EPS8: variants seen among roughly 807,000 people sequenced by gnomAD.
EPS8 encodes the protein epidermal growth factor receptor kinase substrate 8.
A neutral mutation model predicts 103.8 loss-of-function variants in EPS8; 42 were observed. The observed-to-expected ratio is 0.40, with a 90% CI of 0.32 to 0.52. EPS8 has a LOEUF of 0.52. EPS8 is among the 20% of genes least tolerant of loss of function. EPS8 has a pLI of 0.40. For synonymous variants in EPS8, 344 were observed against 344.6 expected (o/e 1.00, Z 0.02); for missense variants, 969 against 1,005.1 (o/e 0.96, Z 0.49).
rs74063357 is a variant in EPS8, at chr12:15,704,923, C to A, written c.-21-21951G>T. On this transcript the variant is annotated intron_variant, in intron 1 of 20. Transcript: ENST00000281172. This position sits in a 1 kb window ranked among gnomAD's most constrained non-coding sequence, Gnocchi z 4.6. ...ATGCGTGCGCATGCACACACACACA[C>A]AAAAAACTGTCCTTAAAATCCTGTG... 5.1e-3 allele frequency among the ~76,000 whole-genome samples: 774 copies of A among 152,134 alleles called. 4 individuals carry two copies. The highest frequency in any genetic ancestry group is 0.016 in the African/African-American group (676 of 41,498).
intron 13 of EPS8, among the ~76,000 whole-genome samples, chr12:15,653,817 A>ATG (rs1321475093): frequency 6.6e-6 from 1 of 152,180 alleles, no homozygotes; most frequent in African/African-American, 2.4e-5. Context: ...GCGCATGTGT[A>ATG]TGTGTGTGTG....
rs933447376 is a variant in EPS8 at position 15,693,187 on chromosome 12, A to T, written c.-21-10215T>A. On this transcript the variant is annotated intron_variant, in intron 1 of 20. Coordinates refer to ENST00000281172, the MANE Select transcript of EPS8 (RefSeq NM_004447.6). This position sits in a 1 kb window ranked among gnomAD's most constrained non-coding sequence, Gnocchi z 5.6. ...TGTCTATCGGTCTTTTGCATAGATCAGTCAGGTTCTCCAAGGAAGTATCTT... is the reference window on the plus strand; with the variant it reads ...TGTCTATCGGTCTTTTGCATAGATCTGTCAGGTTCTCCAAGGAAGTATCTT... Among the ~76,000 whole-genome samples, 17 of 152,214 alleles carry T rather than the reference A, an allele frequency of 1.1e-4. No individual in the cohort carries two copies. Among genetic ancestry groups the T allele is most frequent in the Non-Finnish European group, 2.4e-4 (16 of 68,050 alleles).
chr12:15,707,176 T>C (rs1946398527), intron 1 of EPS8, among the ~76,000 whole-genome samples: 1 of 152,206 alleles, frequency 6.6e-6, no homozygotes, highest in Non-Finnish European at 1.5e-5. Context: ...CAAGTCTAAC[T>C]TTTTTCTTCA....
chr12:15,665,989 G>T, intron 7 of EPS8, 97 bp from the exon 8 acceptor site: 1 of 1,262,332 alleles, frequency 7.9e-7, no homozygotes, highest in Non-Finnish European at 1.1e-6. Flanking sequence ...AATTCAAAAA[G>T]AACTATGTCA....
At position 15,731,446 on chromosome 12, in the gene EPS8, T is replaced by C. The variant is rs988878370; in HGVS notation, c.-21-48474A>G. On this transcript the variant is annotated intron_variant, in intron 1 of 20. Coordinates refer to ENST00000281172, the MANE Select transcript of EPS8 (RefSeq NM_004447.6). This position sits in a 1 kb window ranked among gnomAD's most constrained non-coding sequence, Gnocchi z 5.1. ...CCCAAAAGCTGGGATTACAGGTGCCTGCCACCACGCCTGGCTAATTTTTGT... is the reference window on the plus strand; with the variant it reads ...CCCAAAAGCTGGGATTACAGGTGCCCGCCACCACGCCTGGCTAATTTTTGT... 2.0e-5 allele frequency among the ~76,000 whole-genome samples: 3 copies of C among 152,086 alleles called. No individual in the cohort carries two copies. Among genetic ancestry groups the C allele is most frequent in the Non-Finnish European group, 4.4e-5 (3 of 67,988 alleles).
intron 15 of EPS8, among the ~76,000 whole-genome samples, chr12:15,645,897 G>T (rs1427551735): frequency 6.6e-6 from 1 of 152,098 alleles, no homozygotes; most frequent in African/African-American, 2.4e-5. Flanking sequence ...TAGCTACTTA[G>T]CTGTGGAAAA....
intron 20 of EPS8, among the ~76,000 whole-genome samples, chr12:15,621,681 C>A (rs2135704928): frequency 6.6e-6 from 1 of 152,234 alleles, no homozygotes; most frequent in East Asian, 1.9e-4. Context: ...AAAGATAAAT[C>A]AATAATGTAT....
At chr12:15,657,872 C>T in intron 12 of EPS8, 2 of 500,824 alleles carry the variant, frequency 4.0e-6, no homozygotes, top group South Asian at 2.3e-5. Flanking sequence ...TACCAGTTTC[C>T]TCAACTATAA....
intron 1 of EPS8, among the ~76,000 whole-genome samples, chr12:15,746,483 C>T (rs961160616): frequency 2.0e-5 from 3 of 152,096 alleles, no homozygotes; most frequent in East Asian, 1.9e-4. Flanking sequence ...ATGAGCTTAA[C>T]TGGTCTTCCA....
At position 15,776,466 on chromosome 12, in the gene EPS8, G is replaced by T. The variant is rs1466174513; in HGVS notation, c.-22+12695C>A. Among the ~76,000 whole-genome samples, 1 of 152,050 alleles carries T rather than the reference G, an allele frequency of 6.6e-6. No homozygotes were observed. The highest frequency in any genetic ancestry group is 1.5e-5 in the Non-Finnish European group (1 of 68,006). ...ATGCACACTCTCAGGAACTAACACA[G>T]ACCTAGATTGGCCTCTATGCATCAG... On this transcript the variant is annotated intron_variant, in intron 1 of 20. Transcript: ENST00000281172. The surrounding 1 kb of genome is among the most constrained non-coding windows in gnomAD (Gnocchi z 4.2).
chr12:15,622,375 G>A (rs1366943827), intron 20 of EPS8, among the ~76,000 whole-genome samples: 1 of 152,110 alleles, frequency 6.6e-6, no homozygotes, highest in Non-Finnish European at 1.5e-5. Flanking sequence ...GGGGTGATAC[G>A]CATGAAGTGA....
chr12:15,643,740 G>GGAAAAAAAAA (rs1491565427), intron 15 of EPS8, among the ~76,000 whole-genome samples: 4 of 76,994 alleles, frequency 5.2e-5, no homozygotes, highest in African/African-American at 2.1e-4. Flanking sequence ...ACTCTGTCTC[G>GGAAAAAAAAA]AAAAAAAAAA....
intron 17 of EPS8, 112 bp from the exon 18 acceptor site, chr12:15,631,776 C>A (rs1440824460): frequency 1.9e-5 from 14 of 748,608 alleles, no homozygotes; most frequent in Admixed American, 5.6e-5. Flanking sequence ...TACTTGCAAA[C>A]CCATTACTCA....
At position 15,734,227 on chromosome 12, in the gene EPS8, C is replaced by A. The variant is rs1319829775; in HGVS notation, c.-21-51255G>T. Among the ~76,000 whole-genome samples, 1 of 152,164 alleles carries A rather than the reference C, an allele frequency of 6.6e-6. No homozygotes were observed. ...GTAGTTCTAAAAATGTCAATGCTTTCAAGACCATATAATCAGTTTAGTTTT... is the reference window on the plus strand; with the variant it reads ...GTAGTTCTAAAAATGTCAATGCTTTAAAGACCATATAATCAGTTTAGTTTT... On this transcript the variant is annotated intron_variant, in intron 1 of 20. Coordinates refer to ENST00000281172, the MANE Select transcript of EPS8 (RefSeq NM_004447.6). This position sits in a 1 kb window ranked among gnomAD's most constrained non-coding sequence, Gnocchi z 4.1.
chr12:15,640,130 A>G (rs1450414749), intron 17 of EPS8, among the ~76,000 whole-genome samples: 1 of 152,262 alleles, frequency 6.6e-6, no homozygotes, highest in Non-Finnish European at 1.5e-5. Context: ...TTCAATGAAC[A>G]AGAAGAGAGA....
At position 15,747,244 on chromosome 12, in the gene EPS8, TA is replaced by T. The variant is rs1436250887; in HGVS notation, c.-22+41916del. Among the ~76,000 whole-genome samples, 1 of 152,204 alleles carries T rather than the reference TA, an allele frequency of 6.6e-6. No individual in the cohort carries two copies. Among genetic ancestry groups the T allele is most frequent in the Non-Finnish European group, 1.5e-5 (1 of 68,036 alleles). ...ACCTGTATAAACTGTGGCTCTAATG[TA>T]AAGACTCAATAGTTAATAAACTGAT... On this transcript the variant is annotated intron_variant, in intron 1 of 20. Coordinates refer to ENST00000281172, the MANE Select transcript of EPS8 (RefSeq NM_004447.6). The surrounding 1 kb of genome is among the most constrained non-coding windows in gnomAD (Gnocchi z 4.4).
rs1032369111 is a variant in EPS8 at position 15,761,901 on chromosome 12, C to T, written c.-22+27260G>A. 2.0e-5 allele frequency among the ~76,000 whole-genome samples: 3 copies of T among 152,070 alleles called. No homozygotes were observed. The highest frequency in any genetic ancestry group is 2.9e-5 in the Non-Finnish European group (2 of 67,990). On this transcript the variant is annotated intron_variant, in intron 1 of 20. Transcript: ENST00000281172. The surrounding 1 kb of genome is among the most constrained non-coding windows in gnomAD (Gnocchi z 4.5). ...TGAAAATTTCTTGAGTAATACCTCA[C>T]GAGAACAGGCAACCAAAACGAAAAG...
At chr12:15,645,095 A>C (rs1945298206) in intron 15 of EPS8, among the ~76,000 whole-genome samples, 1 of 152,004 alleles carries the variant, frequency 6.6e-6, no homozygotes, top group African/African-American at 2.4e-5. Flanking sequence ...ATTTTATTTA[A>C]ATTTCTATTT....
At position 15,624,275 on chromosome 12, in the gene EPS8, G is replaced by A. The variant is rs150904526; in HGVS notation, c.2177C>T (p.Thr726Ile). 1,126 of 1,613,892 alleles carry A rather than the reference G, an allele frequency of 7.0e-4. 1 individual carries two copies. Among genetic ancestry groups the A allele is most frequent in the Non-Finnish European group, 9.2e-4 (1,087 of 1,179,930 alleles). ...VPVINITYDS[T>I]PEDVKTWLQS... ...TAACCACGTCTTCACATCCTCTGGT[G>A]TGGAGTCGTAAGTGATATTGATAAC... is the stretch of plus-strand genomic sequence containing the variant. Residue 726 changes from threonine to isoleucine, a missense_variant, in exon 19 of 21, where the codon ACA becomes ATA. Transcript: ENST00000281172.
Sources: gnomAD v4.1 joint callset for allele counts (sites outside exome capture counted in the v4.1 genomes callset) on GRCh38, gnomAD v4.1.1 for gene constraint, Gnocchi (gnomAD v3.1) non-coding constraint, MANE v1.5 for transcripts, NCBI Gene and HGNC (gene_info 2026-07-23, HGNC 2026-07-21) for gene names.